HS3ST5: variants seen among roughly 807,000 people sequenced by gnomAD.
HS3ST5 encodes heparan sulfate glucosamine 3-O-sulfotransferase 5.
HS3ST5 carries 10 observed loss-of-function variants against 25.4 expected under a neutral mutation model. That is an observed-to-expected ratio of 0.39 (90% CI 0.24 to 0.67). HS3ST5 has a LOEUF of 0.67. Among genes scored for constraint, HS3ST5 ranks in the 30% least tolerant of loss-of-function variants. HS3ST5 has a pLI of 0.44. For synonymous variants in HS3ST5, 170 were observed against 162.4 expected (o/e 1.05, Z -0.36); for missense variants, 324 against 420.7 (o/e 0.77, Z 2.01).
chr6:114,094,350 A>C (rs1387542127), intron 3 of HS3ST5, among the ~76,000 whole-genome samples: 1 of 152,248 alleles, frequency 6.6e-6, no homozygotes. Context: ...AACCAGCAAC[A>C]ATCCAATGTT....
chr6:114,175,472 G>T (rs922722368), intron 2 of HS3ST5, among the ~76,000 whole-genome samples: 1 of 152,162 alleles, frequency 6.6e-6, no homozygotes, highest in Admixed American at 6.5e-5. Flanking sequence ...AAGTGAAATT[G>T]CATTAGCTGA....
At chr6:114,076,733 A>C (rs1774162767) in intron 3 of HS3ST5, among the ~76,000 whole-genome samples, 1 of 152,204 alleles carries the variant, frequency 6.6e-6, no homozygotes, top group East Asian at 1.9e-4. Flanking sequence ...TGTAATGAGA[A>C]AGAAACAAAT....
intron 3 of HS3ST5, among the ~76,000 whole-genome samples, chr6:114,075,500 G>T (rs1368861617): frequency 2.0e-5 from 3 of 152,200 alleles, no homozygotes; most frequent in African/African-American, 7.2e-5. Flanking sequence ...GTAACTACTT[G>T]TGGTGAGACA....
intron 3 of HS3ST5, among the ~76,000 whole-genome samples, chr6:114,158,017 G>A (rs1467127566): frequency 2.0e-5 from 3 of 152,026 alleles, no homozygotes. Context: ...GCTGTCAATG[G>A]AGCTGTCACT....
At chr6:114,255,257 C>T (rs1351803275) in intron 1 of HS3ST5, among the ~76,000 whole-genome samples, 1 of 152,230 alleles carries the variant, frequency 6.6e-6, no homozygotes, top group Non-Finnish European at 1.5e-5. Flanking sequence ...TCTCCATTGA[C>T]TCCATGTTTC....
intron 1 of HS3ST5, among the ~76,000 whole-genome samples, chr6:114,265,785 T>C (rs902614637): frequency 4.6e-5 from 7 of 152,186 alleles, no homozygotes; most frequent in Non-Finnish European, 1.0e-4. Flanking sequence ...TCTTTCCTGG[T>C]TCTTTTCTGT....
At chr6:114,332,661 G>A (rs765821108) in intron 1 of HS3ST5, among the ~76,000 whole-genome samples, 8 of 152,060 alleles carry the variant, frequency 5.3e-5, no homozygotes, top group Non-Finnish European at 7.4e-5. Flanking sequence ...ATGTGTGTGC[G>A]TGACAGGGGA....
chr6:114,165,070 T>G (rs1288660188), intron 3 of HS3ST5, among the ~76,000 whole-genome samples: 3 of 152,150 alleles, frequency 2.0e-5, no homozygotes, highest in Non-Finnish European at 4.4e-5. Context: ...GATGCTGGGA[T>G]GTACTTTTAA....
intron 1 of HS3ST5, among the ~76,000 whole-genome samples, chr6:114,237,597 G>A (rs1771918050): frequency 6.6e-6 from 1 of 152,100 alleles, no homozygotes; most frequent in African/African-American, 2.4e-5. Flanking sequence ...CTGAGCCTCC[G>A]AAGTTCCCCA....
chr6:114,253,335 G>T (rs193060187), intron 1 of HS3ST5, among the ~76,000 whole-genome samples: 1 of 152,238 alleles, frequency 6.6e-6, no homozygotes, highest in East Asian at 1.9e-4. Flanking sequence ...TGAAGTTACG[G>T]CACATTTCAG....
chr6:114,270,723 CT>C (rs1319910384), intron 1 of HS3ST5, among the ~76,000 whole-genome samples: 1 of 152,044 alleles, frequency 6.6e-6, no homozygotes, highest in Non-Finnish European at 1.5e-5. Flanking sequence ...AGTTTTAAGG[CT>C]TTGTCCAGCT....
At chr6:114,130,909 T>G (rs1225862223) in intron 3 of HS3ST5, among the ~76,000 whole-genome samples, 1 of 152,052 alleles carries the variant, frequency 6.6e-6, no homozygotes, top group East Asian at 1.9e-4. Flanking sequence ...AGCATGGTGG[T>G]GCACCCTTGT....
intron 1 of HS3ST5, among the ~76,000 whole-genome samples, chr6:114,336,064 G>A (rs1229655632): frequency 1.3e-5 from 2 of 152,112 alleles, no homozygotes; most frequent in Non-Finnish European, 2.9e-5. Flanking sequence ...CTTCCATCAA[G>A]AGTAAGAGAA....
At position 114,057,322 on chromosome 6, in the gene HS3ST5, T is replaced by C; in HGVS notation, c.976A>G (p.Lys326Glu). 1.2e-6 allele frequency: 2 copies of C among 1,614,092 alleles called. No individual in the cohort carries two copies. The highest frequency in any genetic ancestry group is 1.7e-6 in the Non-Finnish European group (2 of 1,180,012). ...VDPSVITKLR[K>E]FFHPFNQKFY... ...TTTTGATTAAAAGGATGAAAGAATT[T>C]GCGCAATTTAGTAATGACAGAGGGG... Residue 326 changes from lysine (K) to glutamate (E), a missense_variant, in exon 5 of 5, where the codon AAA becomes GAA. Transcript: ENST00000312719.
chr6:114,245,337 C>T (rs911541491), intron 1 of HS3ST5, among the ~76,000 whole-genome samples: 7 of 152,076 alleles, frequency 4.6e-5, no homozygotes, highest in African/African-American at 1.7e-4. Flanking sequence ...TAATGCACAT[C>T]CTAACCCACA....
chr6:114,119,835 C>G (rs779145689), intron 3 of HS3ST5, among the ~76,000 whole-genome samples: 1 of 152,102 alleles, frequency 6.6e-6, no homozygotes, highest in African/African-American at 2.4e-5. Flanking sequence ...AAGAGGACAT[C>G]GGTCCTGCCC....
At chr6:114,225,598 C>T (rs975225163) in intron 2 of HS3ST5, among the ~76,000 whole-genome samples, 6 of 151,836 alleles carry the variant, frequency 4.0e-5, no homozygotes, top group African/African-American at 1.4e-4. Context: ...CTAAATCCTT[C>T]AAAAATACAA....
chr6:114,338,001 G>A (rs1053411214), intron 1 of HS3ST5, among the ~76,000 whole-genome samples: 4 of 152,076 alleles, frequency 2.6e-5, no homozygotes, highest in Admixed American at 6.6e-5. Flanking sequence ...TGACAGGAGA[G>A]CTACCAGAAT....
intron 1 of HS3ST5, among the ~76,000 whole-genome samples, chr6:114,321,481 T>C (rs888834994): frequency 1.3e-5 from 2 of 152,126 alleles, no homozygotes; most frequent in Non-Finnish European, 2.9e-5. Flanking sequence ...GCTTGAGTTA[T>C]TGCTCTGTGT....
Sources: allele counts gnomAD v4.1 joint callset (sites outside exome capture counted in the v4.1 genomes callset), GRCh38; gene constraint gnomAD v4.1.1; transcripts MANE v1.5; gene names NCBI Gene and HGNC (gene_info 2026-07-23, HGNC 2026-07-21).